UBE2E2: variants seen among roughly 807,000 people sequenced by gnomAD.
UBE2E2 encodes ubiquitin conjugating enzyme E2 E2.
UBE2E2 carries 6 observed loss-of-function variants against 24.7 expected under a neutral mutation model. The ratio of observed to expected loss-of-function variants is 0.24; its 90% confidence interval spans 0.13 to 0.48. UBE2E2 has a LOEUF of 0.48. Ranked by LOEUF, UBE2E2 falls within the 20% of genes least tolerant of loss-of-function variation. The pLI is 0.99. For missense variants in UBE2E2, 169 were observed against 245.0 expected, an observed-to-expected ratio of 0.69 and a Z score of 2.07; for synonymous variants, 104 against 83.6, an observed-to-expected ratio of 1.24 and a Z score of -1.33.
intron 3 of UBE2E2, among the ~76,000 whole-genome samples, chr3:23,349,693 C>T (rs1008065712): frequency 1.6e-4 from 25 of 152,224 alleles, no homozygotes; most frequent in Non-Finnish European, 1.5e-5. Flanking sequence ...GGGCGCCCGC[C>T]ATTGCCCAGG....
chr3:23,324,422 A>G (rs1694830029), intron 3 of UBE2E2, among the ~76,000 whole-genome samples: 1 of 152,284 alleles, frequency 6.6e-6, no homozygotes, highest in East Asian at 1.9e-4. Flanking sequence ...AAAGGGAAGC[A>G]TCCAGGAAGG....
At chr3:23,357,395 A>ATGTG (rs550484561) in intron 3 of UBE2E2, among the ~76,000 whole-genome samples, 1 of 150,942 alleles carries the variant, frequency 6.6e-6, no homozygotes, top group African/African-American at 2.4e-5. Context: ...GCCTGGAGAT[A>ATGTG]TGTGTGTGTG....
In UBE2E2 at chr3:23,208,810, G is replaced by A. The variant is rs772258481; in HGVS notation, c.111G>A (p.Gln37=). The change falls in exon 2 of 6, where the codon CAG becomes CAA. Residue 37 remains glutamine (Q), a synonymous_variant. Coordinates refer to ENST00000396703, the MANE Select transcript of UBE2E2 (RefSeq NM_152653.4). ...VQQEPEREQV[Q]PKKKEGKISS... ...AAGAACCAGAAAGAGAACAAGTTCA[G>A]CCCAAGAAAAAGGAGGGAAAAATAT... 1 of 1,613,464 alleles carries A rather than the reference G, an allele frequency of 6.2e-7. No homozygotes were observed. The highest frequency in any genetic ancestry group is 8.5e-7 in the Non-Finnish European group (1 of 1,179,678).
intron 4 of UBE2E2, among the ~76,000 whole-genome samples, chr3:23,505,243 T>A (rs1694420351): frequency 6.6e-6 from 1 of 152,064 alleles, no homozygotes; most frequent in South Asian, 2.1e-4. Context: ...TATAATGACT[T>A]ACATCCTCAC....
intron 3 of UBE2E2, among the ~76,000 whole-genome samples, chr3:23,240,065 C>T (rs1697218038): frequency 6.6e-6 from 1 of 152,064 alleles, no homozygotes; most frequent in Non-Finnish European, 1.5e-5. Context: ...AAGTTTGGAA[C>T]TATTATAGAC....
intron 3 of UBE2E2, among the ~76,000 whole-genome samples, chr3:23,225,300 T>C (rs1250387881): frequency 1.3e-5 from 2 of 152,176 alleles, no homozygotes; most frequent in Non-Finnish European, 2.9e-5. Context: ...TTTTGCTTTT[T>C]GTGAAGTCTA....
chr3:23,236,114 G>C (rs975954514), intron 3 of UBE2E2, among the ~76,000 whole-genome samples: 16 of 152,066 alleles, frequency 1.1e-4, no homozygotes, highest in African/African-American at 3.6e-4. Flanking sequence ...TGCCATCTAG[G>C]GGGTAGGAGG....
chr3:23,337,639 T>A (rs1442665928), intron 3 of UBE2E2, among the ~76,000 whole-genome samples: 1 of 152,112 alleles, frequency 6.6e-6, no homozygotes, highest in African/African-American at 2.4e-5. Flanking sequence ...TTAGCAGGAC[T>A]AAGGCGGGGA....
intron 4 of UBE2E2, among the ~76,000 whole-genome samples, chr3:23,532,048 C>T (rs1448479826): frequency 5.8e-5 from 8 of 138,824 alleles, no homozygotes; most frequent in African/African-American, 1.6e-4. Flanking sequence ...GGCAACAGAG[C>T]GAAACTCTAT....
intron 3 of UBE2E2, among the ~76,000 whole-genome samples, chr3:23,401,162 A>C (rs9845340): frequency 0.042 from 6,451 of 152,242 alleles, 476 homozygotes; most frequent in African/African-American, 0.15. Context: ...GGAACCAGCT[A>C]GTGCAGAAGG....
At chr3:23,569,573 C>T (rs1696174979) in intron 5 of UBE2E2, among the ~76,000 whole-genome samples, 1 of 152,126 alleles carries the variant, frequency 6.6e-6, no homozygotes, top group Non-Finnish European at 1.5e-5. Context: ...GCAGCTAGAG[C>T]TTTTTGCAGT....
intron 3 of UBE2E2, among the ~76,000 whole-genome samples, chr3:23,439,765 G>A (rs188170124): frequency 6.6e-5 from 10 of 151,992 alleles, no homozygotes; most frequent in Admixed American, 5.2e-4. Context: ...CACTTTCAGC[G>A]AAAACGCATT....
At chr3:23,422,543 G>T (rs1479755772) in intron 3 of UBE2E2, among the ~76,000 whole-genome samples, 1 of 152,204 alleles carries the variant, frequency 6.6e-6, no homozygotes, top group Non-Finnish European at 1.5e-5. Flanking sequence ...TTTTCTGTCA[G>T]TTTGTGACCT....
chr3:23,463,072 C>G (rs1032539272), intron 3 of UBE2E2, among the ~76,000 whole-genome samples: 2 of 152,046 alleles, frequency 1.3e-5, no homozygotes, highest in Admixed American at 1.3e-4. Context: ...GACTTTATAT[C>G]CACGCTAAAA....
At chr3:23,282,571 T>C (rs1404403357) in intron 3 of UBE2E2, among the ~76,000 whole-genome samples, 1 of 152,214 alleles carries the variant, frequency 6.6e-6, no homozygotes, top group Non-Finnish European at 1.5e-5. Flanking sequence ...CTTTGTATGC[T>C]TTAGAGTAAT....
chr3:23,416,540 C>G (rs1697637835), intron 3 of UBE2E2, among the ~76,000 whole-genome samples: 2 of 152,034 alleles, frequency 1.3e-5, no homozygotes, highest in Non-Finnish European at 2.9e-5. Flanking sequence ...TGGGGTTGCT[C>G]TTCTTGAGGA....
At chr3:23,561,313 A>G (rs1402974024) in intron 5 of UBE2E2, among the ~76,000 whole-genome samples, 2 of 152,160 alleles carry the variant, frequency 1.3e-5, no homozygotes, top group Admixed American at 6.5e-5. Flanking sequence ...TCTCAGCACC[A>G]TTTGTTAAAT....
chr3:23,473,767 CAT>C (rs1394899622), intron 3 of UBE2E2, among the ~76,000 whole-genome samples: 5 of 152,100 alleles, frequency 3.3e-5, no homozygotes, highest in African/African-American at 4.8e-5. Context: ...AGTATTCTAT[CAT>C]ATATGTGTAC....
chr3:23,539,401 T>C (rs193226489), intron 5 of UBE2E2, among the ~76,000 whole-genome samples: 15 of 152,376 alleles, frequency 9.8e-5, no homozygotes, highest in Admixed American at 9.8e-4. Flanking sequence ...GACTTTACCA[T>C]ATTTGCTAAC....
Sources: gnomAD v4.1 joint callset for allele counts (sites outside exome capture counted in the v4.1 genomes callset) on GRCh38, gnomAD v4.1.1 for gene constraint, MANE v1.5 for transcripts, NCBI Gene and HGNC (gene_info 2026-07-23, HGNC 2026-07-21) for gene names.